The following NLGN1 variants were observed in gnomAD, a reference collection of about 807,000 sequenced individuals.
NLGN1 encodes the protein neuroligin-1.
NLGN1 carries 12 observed loss-of-function variants against 65.5 expected under a neutral mutation model. The ratio of observed to expected loss-of-function variants is 0.18; its 90% CI spans 0.12 to 0.30. NLGN1 has a LOEUF of 0.30. Ranked by LOEUF, NLGN1 falls within the 10% of genes least tolerant of loss-of-function variation. NLGN1 has a pLI of 1.00. For synonymous variants in NLGN1, 350 were observed against 359.5 expected (o/e 0.97, Z 0.30); for missense variants, 750 against 1,007.1 (o/e 0.74, Z 3.46).
intron 4 of NLGN1, among the ~76,000 whole-genome samples, chr3:173,994,072 A>C (rs576590477): frequency 3.3e-5 from 5 of 152,234 alleles, no homozygotes; most frequent in African/African-American, 1.2e-4. Flanking sequence ...TTTTATGGAA[A>C]AATAACCTAA....
chr3:174,022,791 G>C (rs1251137375), intron 4 of NLGN1, among the ~76,000 whole-genome samples: 5 of 152,026 alleles, frequency 3.3e-5, no homozygotes, highest in African/African-American at 1.2e-4. Context: ...CTTTGAATCT[G>C]CAGTTACTGA....
intron 2 of NLGN1, among the ~76,000 whole-genome samples, chr3:173,544,726 A>C (rs766197208): frequency 7.2e-5 from 11 of 152,172 alleles, no homozygotes; most frequent in Non-Finnish European, 1.5e-4. Context: ...AATTTTCAGT[A>C]CATAGGTGGC....
chr3:173,755,173 T>C (rs1776906652), intron 3 of NLGN1, among the ~76,000 whole-genome samples: 1 of 152,138 alleles, frequency 6.6e-6, no homozygotes, highest in African/African-American at 2.4e-5. Context: ...AATATACATA[T>C]TCCATTTTTT....
At chr3:173,497,344 T>C (rs913099854) in intron 2 of NLGN1, among the ~76,000 whole-genome samples, 1 of 151,022 alleles carries the variant, frequency 6.6e-6, no homozygotes, top group Non-Finnish European at 1.5e-5. Context: ...GCCAAGAGCA[T>C]GCCACTGCAC....
chr3:174,280,604 A>T lies in NLGN1; in HGVS notation c.1773A>T (p.Lys591Asn), dbSNP rs774564753. The T allele has an allele frequency of 6.2e-6, 10 of 1,613,164 alleles. No individual in the cohort carries two copies. In the Admixed American group the frequency reaches 8.3e-5, roughly 13 times the overall value. Residue 591 changes from lysine (K) to asparagine (N), a missense_variant, in exon 7 of 7, where the codon AAA (lysine) becomes AAT (asparagine). Coordinates refer to ENST00000457714, the Ensembl canonical transcript of NLGN1. The surrounding 1 kb of genome is among the most constrained non-coding windows in gnomAD (Gnocchi z 4.9). ...AACTTTATCTCCATATTGGATTAAA[A>T]CCAAGAGTTAAAGAACATTACAGAG...
chr3:173,460,519 T>A (rs1723209217), intron 2 of NLGN1, among the ~76,000 whole-genome samples: 1 of 152,170 alleles, frequency 6.6e-6, no homozygotes, highest in Admixed American at 6.6e-5. Flanking sequence ...ATCTAAGTAC[T>A]GTCACAGAGC....
chr3:174,146,623 A>T (rs1010748924), intron 4 of NLGN1, among the ~76,000 whole-genome samples: 1 of 149,700 alleles, frequency 6.7e-6, no homozygotes, highest in Non-Finnish European at 1.5e-5. Context: ...GCTGGAGTTC[A>T]GTGTCGCGAT....
chr3:174,200,259 A>G (rs1007010804), intron 4 of NLGN1, among the ~76,000 whole-genome samples: 1 of 152,228 alleles, frequency 6.6e-6, no homozygotes, highest in African/African-American at 2.4e-5. Flanking sequence ...AGTTCCTAGC[A>G]CATAATAGGC....
chr3:174,058,647 G>A (rs879739546), intron 4 of NLGN1, among the ~76,000 whole-genome samples: 1 of 151,946 alleles, frequency 6.6e-6, no homozygotes, highest in Non-Finnish European at 1.5e-5. Context: ...TATACATTTT[G>A]AAAATTAATA....
intron 2 of NLGN1, among the ~76,000 whole-genome samples, chr3:173,559,317 C>T (rs1190939636): frequency 6.6e-6 from 1 of 152,216 alleles, no homozygotes; most frequent in African/African-American, 2.4e-5. Flanking sequence ...AGTCTACCTA[C>T]TCTGCGCTGT....
At chr3:174,102,834 G>A (rs1436284159) in intron 4 of NLGN1, among the ~76,000 whole-genome samples, 1 of 150,566 alleles carries the variant, frequency 6.6e-6, no homozygotes, top group African/African-American at 2.5e-5. Flanking sequence ...GCCAGGAGAA[G>A]TGGGGGAAGA....
chr3:174,075,590 A>G (rs1418338292), intron 4 of NLGN1, among the ~76,000 whole-genome samples: 3 of 152,190 alleles, frequency 2.0e-5, no homozygotes, highest in African/African-American at 7.2e-5. Context: ...GGAGCCAGAT[A>G]GGCACAGACA....
chr3:174,095,161 C>T (rs1576841387), intron 4 of NLGN1, among the ~76,000 whole-genome samples: 1 of 151,136 alleles, frequency 6.6e-6, no homozygotes. Flanking sequence ...TTTAAGGTTG[C>T]TTGGCAGTGT....
intron 3 of NLGN1, among the ~76,000 whole-genome samples, chr3:173,632,991 A>G (rs1276664677): frequency 8.6e-5 from 13 of 151,936 alleles, no homozygotes; most frequent in Admixed American, 2.0e-4. Context: ...GTTTGCTCTT[A>G]AAATATTTTT....
intron 4 of NLGN1, among the ~76,000 whole-genome samples, chr3:174,117,054 T>C (rs1004358392): frequency 6.6e-6 from 1 of 152,160 alleles, no homozygotes; most frequent in Non-Finnish European, 1.5e-5. Context: ...ATTTTATTCA[T>C]TTTATGCACA....
chr3:174,089,635 A>T lies in NLGN1; in HGVS notation c.647-185680A>T, dbSNP rs536746097. Among the ~76,000 whole-genome samples, 29 of 152,302 alleles carry T rather than the reference A, an allele frequency of 1.9e-4. No individual in the cohort carries two copies. The East Asian group carries it at 2.1e-3, about 11-fold the overall frequency. ...AGGGACCTCTACTTTAAAAATTTTT[A>T]AAGTAGTTAATATATATTAACTCAA... On this transcript the variant is annotated intron_variant, in intron 4 of 6. Transcript: ENST00000457714.
In NLGN1 at chr3:174,280,444, A is replaced by G. The variant is rs529219692; in HGVS notation, c.1650-37A>G. On this transcript the variant is annotated intron_variant, in intron 6 of 6. Coordinates refer to ENST00000457714, the Ensembl canonical transcript of NLGN1. This position sits in a 1 kb window ranked among gnomAD's most constrained non-coding sequence, Gnocchi z 4.9. ...AGTGTGATTTTAAGTAAAAAATAAA[A>G]TAGCTTTATTCTCATAATTTATCTT... 1.3e-4 allele frequency: 185 copies of G among 1,384,218 alleles called. No homozygotes were observed. The highest frequency in any genetic ancestry group is 1.1e-3 in the Middle Eastern group (6 of 5,422). 85.7% of individuals were successfully genotyped at this position (1,384,218 alleles called of 1,614,324 possible).
chr3:173,744,279 G>A (rs929651978), intron 3 of NLGN1, among the ~76,000 whole-genome samples: 1 of 152,088 alleles, frequency 6.6e-6, no homozygotes, highest in African/African-American at 2.4e-5. Flanking sequence ...TGTTCAAAAA[G>A]TGTTTTTCTT....
At chr3:173,562,195 C>T (rs1742845523) in intron 2 of NLGN1, among the ~76,000 whole-genome samples, 1 of 152,096 alleles carries the variant, frequency 6.6e-6, no homozygotes, top group Non-Finnish European at 1.5e-5. Flanking sequence ...TTGAGCTAAT[C>T]CTAGAAATTG....
Sources: gnomAD v4.1 joint callset for allele counts (sites outside exome capture counted in the v4.1 genomes callset) on GRCh38, gnomAD v4.1.1 for gene constraint, Gnocchi (gnomAD v3.1) non-coding constraint, MANE v1.5 for transcripts, NCBI Gene and HGNC (gene_info 2026-07-23, HGNC 2026-07-21) for gene names.